The following PPARD variants were observed in gnomAD, a reference collection of about 807,000 sequenced individuals.
The protein encoded by PPARD is peroxisome proliferator-activated receptor delta.
Under a neutral mutation model 39.5 loss-of-function variants are expected in PPARD, and 6 were observed. That is an observed-to-expected ratio of 0.15 (90% CI 0.08 to 0.30). The LOEUF is 0.30. PPARD is among the 10% of genes least tolerant of loss of function. The pLI is 1.00. For synonymous variants in PPARD, 210 were observed against 231.3 expected, an observed-to-expected ratio of 0.91 and a Z score of 0.83; for missense variants, 397 against 596.8, an observed-to-expected ratio of 0.67 and a Z score of 3.49.
chr6:35,347,994 G>T (rs893585372), intron 2 of PPARD, among the ~76,000 whole-genome samples: 1 of 147,136 alleles, frequency 6.8e-6, no homozygotes, highest in Non-Finnish European at 1.5e-5. Flanking sequence ...TGCAACCTCC[G>T]CCTCTTAGGT....
chr6:35,397,479 A>C (rs1037819049), intron 2 of PPARD: 9 of 951,636 alleles, frequency 9.5e-6, no homozygotes, highest in Non-Finnish European at 5.0e-6. Flanking sequence ...GCTCATCTTG[A>C]TAAGCTCCTC....
intron 2 of PPARD, among the ~76,000 whole-genome samples, chr6:35,378,142 A>G (rs1762926264): frequency 6.6e-6 from 1 of 152,050 alleles, no homozygotes; most frequent in African/African-American, 2.4e-5. Flanking sequence ...GATTACAGGC[A>G]TGAGCTACTG....
intron 2 of PPARD, among the ~76,000 whole-genome samples, chr6:35,385,256 T>G (rs1763547380): frequency 6.7e-6 from 1 of 149,542 alleles, no homozygotes; most frequent in Non-Finnish European, 1.5e-5. Context: ...TAGAAAGAAG[T>G]AGACATGGGA....
chr6:35,404,944 C>T (rs930668834), intron 2 of PPARD, among the ~76,000 whole-genome samples: 1 of 137,050 alleles, frequency 7.3e-6, no homozygotes, highest in African/African-American at 3.0e-5. Context: ...TGCATGTGCA[C>T]TGCAGGCTTT....
At chr6:35,388,382 C>T (rs1377713656) in intron 2 of PPARD, among the ~76,000 whole-genome samples, 4 of 152,012 alleles carry the variant, frequency 2.6e-5, no homozygotes, top group African/African-American at 9.7e-5. Flanking sequence ...GGGAGAGCTT[C>T]CGGGAAGGGG....
At chr6:35,359,273 C>T (rs956308770) in intron 2 of PPARD, among the ~76,000 whole-genome samples, 41 of 152,182 alleles carry the variant, frequency 2.7e-4, no homozygotes, top group African/African-American at 8.9e-4. Context: ...CCCCTTCTTT[C>T]TCCTCTCCTC....
intron 2 of PPARD, among the ~76,000 whole-genome samples, chr6:35,407,491 C>T (rs1453173666): frequency 2.0e-5 from 3 of 152,012 alleles, no homozygotes; most frequent in Non-Finnish European, 4.4e-5. Context: ...CATCTCCAGG[C>T]TTTCAATCTG....
intron 3 of PPARD, 90 bp from the exon 4 acceptor site, chr6:35,420,037 T>A (rs17847869): frequency 1.4e-6 from 2 of 1,470,246 alleles, no homozygotes; most frequent in Admixed American, 3.9e-5. Flanking sequence ...AGCTGTTAAG[T>A]GGCTGAGGCG....
intron 2 of PPARD, among the ~76,000 whole-genome samples, chr6:35,349,396 C>G (rs112989125): frequency 0.011 from 1,739 of 152,246 alleles, 44 homozygotes; most frequent in African/African-American, 0.039. Context: ...TTTGGCATCC[C>G]TGGGCCACAT....
At chr6:35,377,913 G>A (rs1762911205) in intron 2 of PPARD, among the ~76,000 whole-genome samples, 1 of 138,814 alleles carries the variant, frequency 7.2e-6, no homozygotes, top group African/African-American at 3.2e-5. Flanking sequence ...CGCCAGGCTG[G>A]AGTGCAGTGG....
At position 35,363,901 on chromosome 6, in the gene PPARD, T is replaced by C. The variant is rs1396132812; in HGVS notation, c.-102+16751T>C. ...TGTGTACTTTGATGGTTTTTGTATA[T>C]TAACTGTGTTTTATATATTATATTA... On this transcript the variant is annotated intron_variant, in intron 2 of 7. Coordinates refer to ENST00000360694, the MANE Select transcript of PPARD (RefSeq NM_006238.5). This position sits in a 1 kb window ranked among gnomAD's most constrained non-coding sequence, Gnocchi z 4.5. 6.7e-6 allele frequency among the ~76,000 whole-genome samples: 1 copy of C among 150,324 alleles called. No individual in the cohort carries two copies. Among genetic ancestry groups the C allele is most frequent in the East Asian group, 1.9e-4 (1 of 5,182 alleles).
chr6:35,421,540 A>G (rs1301504852), intron 4 of PPARD, among the ~76,000 whole-genome samples: 2 of 150,492 alleles, frequency 1.3e-5, no homozygotes, highest in Admixed American at 6.6e-5. Context: ...GGGTTTCACC[A>G]TGTTGGCCAG....
At chr6:35,411,448 G>A (rs1765423971) in intron 3 of PPARD, among the ~76,000 whole-genome samples, 1 of 152,238 alleles carries the variant, frequency 6.6e-6, no homozygotes, top group African/African-American at 2.4e-5. Flanking sequence ...CAGGCCAAAG[G>A]ATGGTAGGTG....
intron 2 of PPARD, among the ~76,000 whole-genome samples, chr6:35,350,832 G>T (rs900706089): frequency 4.0e-5 from 6 of 151,542 alleles, no homozygotes; most frequent in Non-Finnish European, 5.9e-5. Context: ...TCACCATGTT[G>T]GTCAGGCTGG....
chr6:35,384,072 G>A (rs1215401954), intron 2 of PPARD, among the ~76,000 whole-genome samples: 4 of 146,556 alleles, frequency 2.7e-5, no homozygotes, highest in East Asian at 4.7e-4. Context: ...CAGCCGCCCC[G>A]TCCGGGAGGG....
At chr6:35,380,466 TTTTTTGTTTG>T (rs1763077747) in intron 2 of PPARD, among the ~76,000 whole-genome samples, 1 of 121,462 alleles carries the variant, frequency 8.2e-6, no homozygotes, top group African/African-American at 5.6e-5. Context: ...CGTGTTTTTT[TTTTTTGTTTG>T]TTTTTTTTTT....
In PPARD at chr6:35,405,950, C is replaced by T. The variant is rs543618821; in HGVS notation, c.-101-5037C>T. On this transcript the variant is annotated intron_variant, in intron 2 of 7. Transcript: ENST00000360694. Reference sequence around the variant, plus strand: ...TGGACTTTTTTTTTTGTTTTTGAGACAGGGTCTCAATCTGTCCTCAGGCTG... The same window carrying T: ...TGGACTTTTTTTTTTGTTTTTGAGATAGGGTCTCAATCTGTCCTCAGGCTG... Among the ~76,000 whole-genome samples the T allele has an allele frequency of 8.0e-5, 12 of 150,322 alleles. No individual in the cohort carries two copies. The East Asian group carries it at 2.0e-3, about 25-fold the overall frequency.
chr6:35,362,925 G>A (rs1762003395), intron 2 of PPARD, among the ~76,000 whole-genome samples: 1 of 152,164 alleles, frequency 6.6e-6, no homozygotes, highest in African/African-American at 2.4e-5. Context: ...AGCCCCAGTA[G>A]TTTGACACAT....
chr6:35,414,112 G>A lies in PPARD; in HGVS notation c.130+2895G>A, dbSNP rs116838397. ...TGCTCATAAGAGCAAAAATAGGAAC[G>A]TGCCCATCTGTGGGGAACTGGTTAT... On this transcript the variant is annotated intron_variant, in intron 3 of 7. Transcript: ENST00000360694. Among the ~76,000 whole-genome samples, 188 of 152,266 alleles carry A rather than the reference G, an allele frequency of 1.2e-3. 2 individuals carry two copies. The highest frequency in any genetic ancestry group is 4.2e-3 in the African/African-American group (175 of 41,538).
Sources: allele counts gnomAD v4.1 joint callset (sites outside exome capture counted in the v4.1 genomes callset), GRCh38; gene constraint gnomAD v4.1.1; non-coding constraint Gnocchi (gnomAD v3.1); transcripts MANE v1.5; gene names NCBI Gene and HGNC (gene_info 2026-07-23, HGNC 2026-07-21).